GLI2: variants seen among roughly 807,000 people sequenced by gnomAD.
GLI2 encodes GLI family zinc finger 2.
GLI2 carries 22 observed loss-of-function variants against 78.9 expected under a neutral mutation model. That is an observed-to-expected ratio of 0.28 (90% CI 0.20 to 0.40). The LOEUF (loss-of-function observed/expected upper bound fraction) is 0.40. Ranked by LOEUF, GLI2 falls within the 10% of genes least tolerant of loss-of-function variation. GLI2 has a pLI of 1.00. For missense variants in GLI2, 2,097 were observed against 2,213.2 expected, an observed-to-expected ratio of 0.95 and a Z score of 1.05; for synonymous variants, 974 against 963.7, an observed-to-expected ratio of 1.01 and a Z score of -0.20.
Position 120,988,498 on chromosome 2 carries a change from G to A in GLI2, c.2533G>A (p.Ala845Thr), listed in dbSNP as rs1042668856. The A allele has an allele frequency of 2.0e-6, 3 of 1,534,870 alleles. No homozygotes were observed. Among genetic ancestry groups the A allele is most frequent in the Middle Eastern group, 3.4e-4 (2 of 5,932 alleles). Residue 845 changes from alanine to threonine, a missense_variant, in exon 14 of 14, where the codon GCG becomes ACG. This residue lies in a region of GLI2 where 1,290 missense variants were observed against 1,261.7 expected (regional missense o/e 1.02). Transcript: ENST00000361492. Reference sequence around the variant, plus strand: ...CTCCTACGACCCCATCTCCACGGACGCGTCGCGGCGCTCGAGCGAGGCCAG... The same window carrying A: ...CTCCTACGACCCCATCTCCACGGACACGTCGCGGCGCTCGAGCGAGGCCAG... Reference protein sequence around the residue: ...ADSYDPISTDASRRSSEASQC... With the variant: ...ADSYDPISTDTSRRSSEASQC...
intron 3 of GLI2, among the ~76,000 whole-genome samples, chr2:120,939,748 C>T (rs1680365622): frequency 6.6e-6 from 1 of 152,174 alleles, no homozygotes; most frequent in Non-Finnish European, 1.5e-5. Flanking sequence ...ATCCTCTGGG[C>T]CCCAAGTGCG....
In GLI2 at chr2:120,978,507, A is replaced by G. The variant is rs770087395; in HGVS notation, c.1391A>G (p.Gln464Arg). 6.2e-7 allele frequency: 1 copy of G among 1,614,160 alleles called. No individual in the cohort carries two copies. The highest frequency in any genetic ancestry group is 8.5e-7 in the Non-Finnish European group (1 of 1,180,008). ...VCRWQACTRE[Q>R]KPFKAQYMLV... The stretch of plus-strand genomic sequence containing the variant: ...CGCTGGCAGGCCTGCACGCGGGAGC[A>G]GAAGCCCTTCAAGGCGCAGTACATG... Residue 464 changes from glutamine (Q) to arginine (R), a missense_variant, in exon 10 of 14, where the codon CAG (glutamine) becomes CGG (arginine). Physicochemically the swap from Gln to Arg is conservative, Grantham distance 43 (BLOSUM62 1). This residue lies in a region of GLI2 where 104 missense variants were observed against 190.6 expected (regional missense o/e 0.55). Transcript: ENST00000361492.
In GLI2 at chr2:120,927,321, G is replaced by A. The variant is rs760259656; in HGVS notation, c.149-40G>A. The stretch of plus-strand genomic sequence containing the variant: ...TGAAAGTAGCTTTTTGAGGGAGGGG[G>A]AAAGTTTTTGAAGTCTTGTTTCTCT... On this transcript the variant is annotated intron_variant, in intron 2 of 13. Coordinates refer to ENST00000361492, the MANE Select transcript of GLI2 (RefSeq NM_001374353.1). The A allele has an allele frequency of 2.1e-6, 3 of 1,416,912 alleles. No individual in the cohort carries two copies. The African/African-American group carries it at 4.2e-5, about 20-fold the overall frequency. 87.8% of individuals were successfully genotyped at this position (1,416,912 alleles called of 1,614,324 possible).
chr2:120,913,270 A>G (rs570605539), intron 2 of GLI2, among the ~76,000 whole-genome samples: 8 of 152,328 alleles, frequency 5.3e-5, no homozygotes, highest in African/African-American at 1.9e-4. Context: ...AGTGCTTGCA[A>G]TGTGGCTATC....
At chr2:120,900,562 G>A (rs1174998847) in intron 2 of GLI2, among the ~76,000 whole-genome samples, 2 of 152,188 alleles carry the variant, frequency 1.3e-5, no homozygotes, top group African/African-American at 2.4e-5. Context: ...TTTCCCTTCT[G>A]CACCCTAGCG....
chr2:120,950,563 C>T (rs1245507806), intron 3 of GLI2, among the ~76,000 whole-genome samples: 8 of 152,220 alleles, frequency 5.3e-5, no homozygotes, highest in Admixed American at 5.2e-4. Context: ...GCCCAATGCA[C>T]ACCTGACTAT....
chr2:120,797,210 A>G (rs1684435309), intron 1 of GLI2, 81 bp from the exon 2 acceptor site: 3 of 1,012,562 alleles, frequency 3.0e-6, no homozygotes, highest in African/African-American at 3.2e-5. Context: ...TTTAGGAGCG[A>G]GCGGCGGTGT....
intron 2 of GLI2, among the ~76,000 whole-genome samples, chr2:120,899,956 T>G (rs1421694469): frequency 1.3e-5 from 2 of 152,242 alleles, no homozygotes; most frequent in African/African-American, 4.8e-5. Flanking sequence ...GAGCCCCAAC[T>G]CCAGCTTCTG....
chr2:120,809,017 A>G (rs1214330398), intron 2 of GLI2, among the ~76,000 whole-genome samples: 1 of 152,168 alleles, frequency 6.6e-6, no homozygotes, highest in Non-Finnish European at 1.5e-5. Flanking sequence ...CTCTTCAAGA[A>G]CTACCTCCGA....
chr2:120,793,012 C>T (rs1374981481), intron 1 of GLI2, among the ~76,000 whole-genome samples: 2 of 152,198 alleles, frequency 1.3e-5, no homozygotes, highest in Admixed American at 6.5e-5. Flanking sequence ...AAGACTTGTG[C>T]AACTAACAGA....
chr2:120,738,020 C>G (rs1682420799), intron 1 of GLI2, among the ~76,000 whole-genome samples: 1 of 152,326 alleles, frequency 6.6e-6, no homozygotes, highest in African/African-American at 2.4e-5. Context: ...TTCCCTGTGT[C>G]TGGGGACAGG....
At chr2:120,925,917 A>G (rs1388380280) in intron 2 of GLI2, among the ~76,000 whole-genome samples, 2 of 151,530 alleles carry the variant, frequency 1.3e-5, no homozygotes, top group African/African-American at 4.9e-5. Flanking sequence ...CTAAAAATAC[A>G]AAAAAATTAG....
intron 2 of GLI2, among the ~76,000 whole-genome samples, chr2:120,882,974 C>T (rs1462763750): frequency 6.6e-6 from 1 of 152,126 alleles, no homozygotes; most frequent in African/African-American, 2.4e-5. Context: ...CCTGTCCTTC[C>T]GTAGCTGCTC....
At chr2:120,774,052 A>G (rs777526844) in intron 1 of GLI2, among the ~76,000 whole-genome samples, 1 of 150,616 alleles carries the variant, frequency 6.6e-6, no homozygotes, top group Non-Finnish European at 1.5e-5. Flanking sequence ...CAAGCAGCCC[A>G]ATTTCAAGGT....
intron 2 of GLI2, among the ~76,000 whole-genome samples, chr2:120,825,458 T>A (rs1686005136): frequency 7.2e-6 from 1 of 138,944 alleles, no homozygotes; most frequent in African/African-American, 3.4e-5. Context: ...AGGAGTGTGC[T>A]CCTGGCTGTG....
chr2:120,887,498 G>T (rs1677470724), intron 2 of GLI2, among the ~76,000 whole-genome samples: 1 of 152,254 alleles, frequency 6.6e-6, no homozygotes, highest in South Asian at 2.1e-4. Context: ...CGAAGCCCGG[G>T]AAGGCCACTG....
intron 2 of GLI2, among the ~76,000 whole-genome samples, chr2:120,850,904 G>GTA (rs1296561737): frequency 6.6e-6 from 1 of 152,170 alleles, no homozygotes; most frequent in Non-Finnish European, 1.5e-5. Flanking sequence ...TCAAAACGTG[G>GTA]TATTTTAATA....
At chr2:120,759,725 C>T (rs944230714) in intron 1 of GLI2, among the ~76,000 whole-genome samples, 4 of 152,250 alleles carry the variant, frequency 2.6e-5, no homozygotes, top group African/African-American at 9.6e-5. Context: ...ATCAACTTAA[C>T]CTTCAGCCCC....
At chr2:120,904,998 A>G (rs1264354579) in intron 2 of GLI2, among the ~76,000 whole-genome samples, 1 of 152,238 alleles carries the variant, frequency 6.6e-6, no homozygotes, top group Non-Finnish European at 1.5e-5. Flanking sequence ...ACGGACAGTG[A>G]TTGAAAAAGG....
Sources: gnomAD v4.1 joint callset for allele counts (sites outside exome capture counted in the v4.1 genomes callset) on GRCh38, gnomAD v4.1.1 for gene constraint, gnomAD v4.1.1 regional missense constraint, MANE v1.5 for transcripts, NCBI Gene and HGNC (gene_info 2026-07-23, HGNC 2026-07-21) for gene names.